IKBIP: variants seen among roughly 807,000 people sequenced by gnomAD.
The protein encoded by IKBIP is IKBKB interacting protein, also known as inhibitor of nuclear factor kappa-B kinase-interacting protein.
Under a neutral mutation model 31.0 loss-of-function variants are expected in IKBIP, and 28 were observed. That is an observed-to-expected ratio of 0.90 (90% CI 0.67 to 1.24). The LOEUF is 1.24. IKBIP is among the 50% of genes most tolerant of loss of function. IKBIP has a pLI of 0.00. For missense variants in IKBIP, 453 were observed against 441.9 expected, an observed-to-expected ratio of 1.03 and a Z score of -0.23; for synonymous variants, 164 against 160.3, an observed-to-expected ratio of 1.02 and a Z score of -0.17.
intron 1 of IKBIP, among the ~76,000 whole-genome samples, chr12:98,636,049 A>T (rs1329836473): frequency 6.6e-6 from 1 of 152,222 alleles, no homozygotes; most frequent in South Asian, 2.1e-4. Flanking sequence ...ATTGTCTTGG[A>T]TCCAATACCA....
chr12:98,628,482 CT>C (rs1280762896), intron 2 of IKBIP, among the ~76,000 whole-genome samples: 18 of 152,202 alleles, frequency 1.2e-4, no homozygotes, highest in African/African-American at 4.3e-4. Flanking sequence ...CTCCTCTCCT[CT>C]TTATTTAGTT....
At chr12:98,643,662 T>C (rs577633487) in intron 1 of IKBIP, among the ~76,000 whole-genome samples, 1 of 152,322 alleles carries the variant, frequency 6.6e-6, no homozygotes, top group East Asian at 1.9e-4. Flanking sequence ...TGAACACAAG[T>C]GCTATGTTTT....
At chr12:98,644,374 C>G in intron 1 of IKBIP, 149 bp downstream of exon 1, 1 of 707,288 alleles carries the variant, frequency 1.4e-6, no homozygotes, top group South Asian at 2.0e-5. Context: ...CAAGGCTGGG[C>G]TGTTTCCTTC....
At chr12:98,632,512 AATATATATATAT>A (rs71436924) in intron 2 of IKBIP, among the ~76,000 whole-genome samples, 45 of 22,792 alleles carry the variant, frequency 2.0e-3, no homozygotes, top group South Asian at 9.9e-3. Flanking sequence ...AAAAAAAAAA[AATATATATATAT>A]ATATATATAT....
intron 1 of IKBIP, among the ~76,000 whole-genome samples, chr12:98,639,226 T>C (rs551146668): frequency 6.6e-6 from 1 of 152,136 alleles, no homozygotes. Flanking sequence ...TGGACTACTT[T>C]GTGCAGCTAC....
At chr12:98,643,231 G>A (rs2153301471) in intron 1 of IKBIP, among the ~76,000 whole-genome samples, 1 of 152,304 alleles carries the variant, frequency 6.6e-6, no homozygotes, top group Middle Eastern at 3.4e-3. Context: ...GATTACAGGT[G>A]TGAGCCACCG....
At chr12:98,613,881 A>C in exon 3 of IKBIP, 1 of 1,613,392 alleles carries the variant, frequency 6.2e-7, no homozygotes, top group East Asian at 2.2e-5. Context: ...TGTTTGTCGA[A>C]GTCACTCTTT....
chr12:98,632,866 G>C (rs1216189730), intron 2 of IKBIP, among the ~76,000 whole-genome samples: 1 of 151,866 alleles, frequency 6.6e-6, no homozygotes, highest in African/African-American at 2.4e-5. Context: ...ACCTCAAGGT[G>C]ATCCGCCTGC....
intron 2 of IKBIP, among the ~76,000 whole-genome samples, chr12:98,632,028 G>A (rs1393223285): frequency 6.6e-6 from 1 of 151,404 alleles, no homozygotes; most frequent in Non-Finnish European, 1.5e-5. Flanking sequence ...GCTAATTTTT[G>A]TATTTTTAGT....
At chr12:98,621,380 A>G (rs750150446), downstream of IKBIP, among the ~76,000 whole-genome samples, 3 of 152,244 alleles carry the variant, frequency 2.0e-5, no homozygotes, top group Non-Finnish European at 4.4e-5. Flanking sequence ...CTCTTCTCCA[A>G]CATTTATTCA....
downstream of IKBIP, among the ~76,000 whole-genome samples, chr12:98,619,784 A>G (rs1237137349): frequency 1.4e-5 from 2 of 143,254 alleles, no homozygotes; most frequent in African/African-American, 5.1e-5. Context: ...AGCTGGGAGG[A>G]TGGCTTGATC....
At position 98,626,052 on chromosome 12, in the gene IKBIP, G is replaced by T; in HGVS notation, c.1012C>A (p.Gln338Lys). 2 of 1,583,602 alleles carry T rather than the reference G, an allele frequency of 1.3e-6. No individual in the cohort carries two copies. Among genetic ancestry groups the T allele is most frequent in the Non-Finnish European group, 1.7e-6 (2 of 1,163,686 alleles). ...TCTTTTAGAATATCCAGTTCATTTT[G>T]CATCTTTAATATGCTATTATCATAC... ...IQYDNSILKM[Q>K]NELDILKEKV... Residue 338 changes from glutamine to lysine, a missense_variant, in exon 3 of 3, where the codon CAA becomes AAA. Gln to Lys is a moderately conservative substitution (Grantham distance 53). Transcript: ENST00000299157.
At chr12:98,615,702 CTA>C (rs2153293279) in intron 2 of IKBIP, among the ~76,000 whole-genome samples, 1 of 152,306 alleles carries the variant, frequency 6.6e-6, no homozygotes, top group African/African-American at 2.4e-5. Flanking sequence ...CTCTGTACTT[CTA>C]TGAGTCTGAC....
At chr12:98,629,776 T>C (rs1347590336) in intron 2 of IKBIP, among the ~76,000 whole-genome samples, 1 of 152,184 alleles carries the variant, frequency 6.6e-6, no homozygotes, top group African/African-American at 2.4e-5. Context: ...ATGTCCTGTT[T>C]AGGAGGTTCA....
chr12:98,632,115 G>T (rs2097620754), intron 2 of IKBIP, among the ~76,000 whole-genome samples: 1 of 151,888 alleles, frequency 6.6e-6, no homozygotes, highest in African/African-American at 2.4e-5. Flanking sequence ...CGGCCTCCCA[G>T]TGTGCTGGGA....
downstream of IKBIP, among the ~76,000 whole-genome samples, chr12:98,623,270 G>A (rs1167406776): frequency 6.6e-6 from 1 of 150,972 alleles, no homozygotes; most frequent in East Asian, 1.9e-4. Flanking sequence ...GAGCCACTGC[G>A]CCCAGCTGAT....
chr12:98,643,037 C>T lies in IKBIP; in HGVS notation c.179+1486G>A, dbSNP rs534572856. Among the ~76,000 whole-genome samples the T allele has an allele frequency of 8.0e-4, 121 of 152,078 alleles. 5 individuals are homozygous for T. The South Asian group carries it at 0.024, about 30-fold the overall frequency. On this transcript the variant is annotated intron_variant, in intron 1 of 2. Transcript: ENST00000299157. ...GCACGATCCCAGCTCACTGCAACCTCCACCTCCCCATTTCGAGTGATTCTC... is the reference window on the plus strand; with the variant it reads ...GCACGATCCCAGCTCACTGCAACCTTCACCTCCCCATTTCGAGTGATTCTC...
chr12:98,620,245 T>C (rs1307065827), downstream of IKBIP, among the ~76,000 whole-genome samples: 1 of 151,804 alleles, frequency 6.6e-6, no homozygotes, highest in Non-Finnish European at 1.5e-5. Context: ...ATTCCTATCA[T>C]ATATTCAAGG....
intron 1 of IKBIP, among the ~76,000 whole-genome samples, chr12:98,636,873 T>TA (rs1359466006): frequency 6.7e-6 from 1 of 149,544 alleles, no homozygotes; most frequent in Non-Finnish European, 1.5e-5. Flanking sequence ...CCTAAAGAAA[T>TA]AAGAGTTGCC....
Sources: allele counts gnomAD v4.1 joint callset (sites outside exome capture counted in the v4.1 genomes callset), GRCh38; gene constraint gnomAD v4.1.1; transcripts MANE v1.5; gene names NCBI Gene and HGNC (gene_info 2026-07-23, HGNC 2026-07-21).